Variants in SVEP1 observed in about 807,000 individuals in gnomAD.
SVEP1 encodes the protein sushi, von Willebrand factor type A, EGF and pentraxin domain containing 1.
In SVEP1, 164 loss-of-function variants were observed where a neutral mutation model predicts 367.3. That is an observed-to-expected ratio of 0.45 (90% CI 0.39 to 0.51). SVEP1 has a LOEUF of 0.51. Among genes scored for constraint, SVEP1 ranks in the 20% least tolerant of loss-of-function variants. SVEP1 has a pLI of 0.00. For synonymous variants in SVEP1, 1,666 were observed against 1,611.6 expected (o/e 1.03, Z -0.81); for missense variants, 4,117 against 4,425.3 (o/e 0.93, Z 1.98).
chr9:110,408,503 G>C lies in SVEP1; in HGVS notation c.7097C>G (p.Ser2366Cys), dbSNP rs546056831. The C allele has an allele frequency of 1.2e-6, 2 of 1,613,696 alleles. No individual in the cohort carries two copies. Among genetic ancestry groups the C allele is most frequent in the East Asian group, 2.2e-5 (1 of 44,884 alleles). Residue 2366 changes from serine to cysteine, a missense_variant, in exon 38 of 48, where the codon TCC becomes TGC. Transcript: ENST00000374469. Reference protein sequence around the residue: ...QGPSVLKCLPSQQWNDSFPVC... With the variant: ...QGPSVLKCLPCQQWNDSFPVC... ...AGGGAAAGAGTCATTCCATTGCTGG[G>C]ATGGCAAGCATTTCAGGACAGAGGG...
At chr9:110,506,143 T>G (rs1229349919) in intron 5 of SVEP1, among the ~76,000 whole-genome samples, 1 of 152,172 alleles carries the variant, frequency 6.6e-6, no homozygotes, top group African/African-American at 2.4e-5. Flanking sequence ...GCAAAGGACA[T>G]GAACTCATCC....
intron 40 of SVEP1, among the ~76,000 whole-genome samples, chr9:110,390,332 TAC>T (rs373731618): frequency 3.9e-5 from 1 of 25,510 alleles, no homozygotes; most frequent in Non-Finnish European, 8.7e-5. Context: ...TACTTATATA[TAC>T]ACATACTTAT....
rs141748512 is a variant in SVEP1 at position 110,369,823 on chromosome 9, C to T, written c.10694+100G>A. ...GATGTTTTCACATACAAAATACTTA[C>T]AGTCAAACTAGACAGAGATAACTTC... is the stretch of plus-strand genomic sequence containing the variant. On this transcript the variant is annotated intron_variant, in intron 47 of 47. Coordinates refer to ENST00000374469, the MANE Select transcript of SVEP1 (RefSeq NM_153366.4). 2.2e-4 allele frequency: 200 copies of T among 914,752 alleles called. 2 individuals carry two copies. The East Asian group carries it at 5.3e-3, about 24-fold the overall frequency. 56.7% of individuals were successfully genotyped at this position (914,752 alleles called of 1,614,324 possible). A position where few individuals can be genotyped will look rare whatever the true frequency, so the allele number is the denominator to read the frequency against.
Position 110,404,349 on chromosome 9 carries a change from C to G in SVEP1, c.9644G>C (p.Gly3215Ala). ...VSCAEGYTFEGVNISVCQLDG... is the reference protein window; with the variant it reads ...VSCAEGYTFEAVNISVCQLDG... ...TACCTGACATACTGATATGTTAACT[C>G]CCTCAAAGGTATACCCTTCTGCACA... Residue 3215 changes from glycine to alanine, a missense_variant, in exon 39 of 48, where the codon GGA becomes GCA. Gly to Ala is a moderately conservative substitution (Grantham distance 60). This residue lies in a region of SVEP1 where 1,765 missense variants were observed against 1,781.1 expected (regional missense o/e 0.99). Transcript: ENST00000374469. 6.2e-7 allele frequency: 1 copy of G among 1,613,946 alleles called. No homozygotes were observed. Among genetic ancestry groups the G allele is most frequent in the Non-Finnish European group, 8.5e-7 (1 of 1,179,866 alleles).
chr9:110,378,303 T>C (rs1206031381), intron 44 of SVEP1, among the ~76,000 whole-genome samples: 1 of 152,284 alleles, frequency 6.6e-6, no homozygotes, highest in East Asian at 1.9e-4. Context: ...TTACATCCCA[T>C]GTATTGGTGA....
chr9:110,395,282 C>T (rs1827739723), intron 40 of SVEP1, among the ~76,000 whole-genome samples: 1 of 152,138 alleles, frequency 6.6e-6, no homozygotes, highest in African/African-American at 2.4e-5. Context: ...AAATAAAATC[C>T]TTTACAGACA....
chr9:110,397,534 G>A (rs1426126302), intron 40 of SVEP1, among the ~76,000 whole-genome samples: 1 of 152,154 alleles, frequency 6.6e-6, no homozygotes, highest in African/African-American at 2.4e-5. Flanking sequence ...TATTCAATTA[G>A]GAAAAGAGGA....
intron 6 of SVEP1, among the ~76,000 whole-genome samples, chr9:110,500,767 A>G (rs1829518444): frequency 6.6e-6 from 1 of 152,072 alleles, no homozygotes; most frequent in Admixed American, 6.6e-5. Flanking sequence ...TGTAATCTGT[A>G]TGGCAATCCT....
At chr9:110,371,753 C>CA (rs1439201268) in intron 46 of SVEP1, among the ~76,000 whole-genome samples, 1 of 152,188 alleles carries the variant, frequency 6.6e-6, no homozygotes, top group East Asian at 1.9e-4. Flanking sequence ...GATCTGTAAC[C>CA]AAGTAGCGTT....
Position 110,406,369 on chromosome 9 carries a change from C to G in SVEP1, c.9231G>C (p.Glu3077Asp), listed in dbSNP as rs777813719. The change falls in exon 38 of 48, where the codon GAG (glutamate) becomes GAC (aspartate). Residue 3077 changes from glutamate to aspartate, a missense_variant. Transcript: ENST00000374469. ...TCACATTTTCCTTCCAAGAGCTGGT[C>G]TCACTGATGAACGCATTTGGTATCA... ...LPMIPNAFISETSSWKENVIT... is the reference protein window; with the variant it reads ...LPMIPNAFISDTSSWKENVIT... 1 of 1,614,082 alleles carries G rather than the reference C, an allele frequency of 6.2e-7. No individual in the cohort carries two copies. The highest frequency in any genetic ancestry group is 8.5e-7 in the Non-Finnish European group (1 of 1,179,906).
At chr9:110,481,510 G>A in intron 11 of SVEP1, 74 bp from the exon 12 acceptor site, 2 of 1,197,820 alleles carry the variant, frequency 1.7e-6, no homozygotes, top group Middle Eastern at 2.3e-4. Flanking sequence ...AGCTTAAGCA[G>A]AATTTTGAAA....
intron 1 of SVEP1, among the ~76,000 whole-genome samples, chr9:110,563,904 C>CA (rs1477912268): frequency 1.3e-5 from 2 of 151,806 alleles, no homozygotes; most frequent in African/African-American, 2.4e-5. Flanking sequence ...GTAATAAAAC[C>CA]AAAAAAACAC....
intron 26 of SVEP1, 95 bp downstream of exon 26, chr9:110,445,742 G>A: frequency 1.5e-6 from 2 of 1,374,506 alleles, no homozygotes; most frequent in Non-Finnish European, 2.0e-6. Context: ...GGGAACACCT[G>A]ACCCTCTACT....
At chr9:110,434,685 A>AAAAAAAAAAAAAC (rs1828406625) in intron 29 of SVEP1, among the ~76,000 whole-genome samples, 179 bp from the exon 30 acceptor site, 2 of 150,716 alleles carry the variant, frequency 1.3e-5, no homozygotes, top group African/African-American at 2.4e-5. Context: ...AAAAAAAAAA[A>AAAAAAAAAAAAAC]AGCATTTAAG....
intron 14 of SVEP1, among the ~76,000 whole-genome samples, chr9:110,475,360 T>A (rs1829082811): frequency 6.6e-6 from 1 of 152,158 alleles, no homozygotes; most frequent in Admixed American, 6.5e-5. Flanking sequence ...ATGAGGTGAA[T>A]ACTCTTATAT....
intron 3 of SVEP1, 133 bp from the exon 4 acceptor site, chr9:110,514,239 T>C: frequency 8.1e-7 from 1 of 1,227,416 alleles, no homozygotes; most frequent in South Asian, 1.4e-5. Flanking sequence ...AGGCTGGGTG[T>C]GGTGGCTCAC....
chr9:110,556,098 G>C (rs941730800), intron 1 of SVEP1, among the ~76,000 whole-genome samples: 1 of 152,092 alleles, frequency 6.6e-6, no homozygotes, highest in Admixed American at 6.5e-5. Context: ...ATGGCAAAAG[G>C]TTATCACCAT....
Position 110,434,353 on chromosome 9 carries a change from G to T in SVEP1, c.5042C>A (p.Pro1681Gln), listed in dbSNP as rs1828399450. 6.2e-7 allele frequency: 1 copy of T among 1,607,738 alleles called. No individual in the cohort carries two copies. The highest frequency in any genetic ancestry group is 1.3e-5 in the African/African-American group (1 of 74,762). The change falls in exon 30 of 48, where the codon CCA becomes CAA. Residue 1681 changes from proline to glutamine, a missense_variant. By Grantham distance (76) the Pro-to-Gln change is moderately conservative. Coordinates refer to ENST00000374469, the MANE Select transcript of SVEP1 (RefSeq NM_153366.4). ...YCLNQGQWTQ[P>Q]LPHCERISCG... ...CAGCTCACGTTCACAGTGAGGAAGT[G>T]GTTGTGTCCACTGTCCTTGATTCAG...
chr9:110,428,491 T>C (rs144299659), intron 35 of SVEP1, among the ~76,000 whole-genome samples: 37 of 151,996 alleles, frequency 2.4e-4, no homozygotes, highest in African/African-American at 7.2e-4. Context: ...TTCATAACAT[T>C]CCATGCAATG....
Sources: gnomAD v4.1 joint callset for allele counts (sites outside exome capture counted in the v4.1 genomes callset) on GRCh38, gnomAD v4.1.1 for gene constraint, gnomAD v4.1.1 regional missense constraint, MANE v1.5 for transcripts, NCBI Gene and HGNC (gene_info 2026-07-23, HGNC 2026-07-21) for gene names.